KRCC1: variants seen among roughly 807,000 people sequenced by gnomAD.
The protein encoded by KRCC1 is lysine-rich coiled-coil protein 1.
In KRCC1, 3 loss-of-function variants were observed where a neutral mutation model predicts 7.4. The observed-to-expected ratio is 0.40, with a 90% CI of 0.18 to 1.04. The LOEUF is 1.04. KRCC1 is among the 50% of genes least tolerant of loss of function. The pLI is 0.33. For missense variants in KRCC1, 277 were observed against 300.9 expected, an observed-to-expected ratio of 0.92 and a Z score of 0.59; for synonymous variants, 102 against 101.6, an observed-to-expected ratio of 1.00 and a Z score of -0.02.
chr2:88,053,213 T>C (rs1321121551), intron 1 of KRCC1, among the ~76,000 whole-genome samples: 1 of 152,062 alleles, frequency 6.6e-6, no homozygotes, highest in Non-Finnish European at 1.5e-5. Context: ...TGGGACTTAC[T>C]CAGGGTCATT....
rs1673214719 is a variant in KRCC1, at chr2:88,041,725, AGT to A, written c.-290-4676_-290-4675del. Among the ~76,000 whole-genome samples, 5 of 152,326 alleles carry A rather than the reference AGT, an allele frequency of 3.3e-5. No homozygotes were observed. The South Asian group carries it at 8.3e-4, about 25-fold the overall frequency. On this transcript the variant is annotated intron_variant, in intron 1 of 3. Transcript: ENST00000347055. ...GACATCACCTCTCTTTCACTTGCAT[AGT>A]GATTACTATATATTTACTCATTACA...
rs559899355 is a variant in KRCC1 at position 88,028,990 on chromosome 2, TCAAA to T, written c.-22-409_-22-406del. Among the ~76,000 whole-genome samples the T allele has an allele frequency of 3.2e-3, 488 of 152,264 alleles. 5 individuals carry two copies. The highest frequency in any genetic ancestry group is 0.01 in the African/African-American group (435 of 41,538). On this transcript the variant is annotated intron_variant, in intron 3 of 3. Coordinates refer to ENST00000347055, the MANE Select transcript of KRCC1 (RefSeq NM_016618.3). ...AAAGAGCTTTGAAAAACAAAGCAGC[TCAAA>T]CAAATTACAACCTATTTCAGCATAA...
At chr2:88,033,985 A>T (rs527965524) in intron 3 of KRCC1, 149 bp downstream of exon 3, 99 of 143,150 alleles carry the variant, frequency 6.9e-4, no homozygotes, top group African/African-American at 2.4e-3. Flanking sequence ...TATTCATATA[A>T]TATTATTCAG....
intron 1 of KRCC1, among the ~76,000 whole-genome samples, chr2:88,042,364 C>T (rs374543176): frequency 7.9e-5 from 12 of 152,122 alleles, no homozygotes; most frequent in African/African-American, 2.9e-4. Flanking sequence ...CCGGCCTAGA[C>T]CACTATTCCT....
intron 1 of KRCC1, among the ~76,000 whole-genome samples, chr2:88,045,991 T>G (rs1673324905): frequency 6.6e-6 from 1 of 152,198 alleles, no homozygotes. Flanking sequence ...GAATTGTACA[T>G]GTTATATGTG....
intron 1 of KRCC1, among the ~76,000 whole-genome samples, chr2:88,052,721 G>C (rs575093521): frequency 6.6e-6 from 1 of 152,196 alleles, no homozygotes; most frequent in Non-Finnish European, 1.5e-5. Context: ...TTCCCTTTTT[G>C]ATCTACTTCT....
intron 1 of KRCC1, among the ~76,000 whole-genome samples, chr2:88,039,880 C>A (rs1673169730): frequency 6.6e-6 from 1 of 151,826 alleles, no homozygotes; most frequent in Non-Finnish European, 1.5e-5. Flanking sequence ...CATTAAAAAT[C>A]TTGGTTTGGC....
Position 88,027,309 on chromosome 2 carries a change from T to C in KRCC1, c.*475A>G, listed in dbSNP as rs569814769. 1 of 153,268 alleles carries C rather than the reference T, an allele frequency of 6.5e-6. No individual in the cohort carries two copies. The highest frequency in any genetic ancestry group is 2.4e-5 in the African/African-American group (1 of 41,590). The allele number at this position is 153,268 out of a possible 1,614,324, so 9.5% of individuals were successfully genotyped here. A position where few individuals can be genotyped will look rare whatever the true frequency, so the allele number is the denominator to read the frequency against. On this transcript the variant is annotated 3_prime_UTR_variant, in exon 4 of 4. Coordinates refer to ENST00000347055, the MANE Select transcript of KRCC1 (RefSeq NM_016618.3). ...CTTTATGTAACCTAAGATTATAATA[T>C]ATTTCATTTTCCACTTTCCAGCCTA...
At chr2:88,043,762 C>T (rs1488492337) in intron 1 of KRCC1, among the ~76,000 whole-genome samples, 7 of 152,160 alleles carry the variant, frequency 4.6e-5, no homozygotes, top group African/African-American at 1.7e-4. Flanking sequence ...CTCTGCCTCC[C>T]GGGTTCAAGC....
chr2:88,051,970 G>C (rs898595779), intron 1 of KRCC1, among the ~76,000 whole-genome samples: 4 of 152,240 alleles, frequency 2.6e-5, no homozygotes, highest in African/African-American at 9.6e-5. Flanking sequence ...TGTATTTTAG[G>C]ATATTTGTGG....
Position 88,041,967 on chromosome 2 carries a change from T to G in KRCC1, c.-290-4916A>C, listed in dbSNP as rs80001947. On this transcript the variant is annotated intron_variant, in intron 1 of 3. Coordinates refer to ENST00000347055, the MANE Select transcript of KRCC1 (RefSeq NM_016618.3). ...AGCATCTCTCCCCCCCGATATTGGCTATCTTCTCCCATGTGATATGGATGT... is the reference window on the plus strand; with the variant it reads ...AGCATCTCTCCCCCCCGATATTGGCGATCTTCTCCCATGTGATATGGATGT... Among the ~76,000 whole-genome samples the G allele has an allele frequency of 2.0e-5, 3 of 152,104 alleles. No individual in the cohort carries two copies. The East Asian group carries it at 5.8e-4, about 29-fold the overall frequency.
intron 1 of KRCC1, among the ~76,000 whole-genome samples, chr2:88,043,137 C>T (rs935878657): frequency 1.3e-5 from 2 of 152,144 alleles, no homozygotes; most frequent in Non-Finnish European, 2.9e-5. Flanking sequence ...TTGTAACCAT[C>T]CTTTCTACAG....
intron 1 of KRCC1, among the ~76,000 whole-genome samples, chr2:88,051,189 G>C (rs1673476001): frequency 6.6e-6 from 1 of 151,992 alleles, no homozygotes; most frequent in Admixed American, 6.6e-5. Context: ...ACCTCTCAAA[G>C]TGTTGGGATC....
At chr2:88,044,548 C>G (rs1673289180) in intron 1 of KRCC1, among the ~76,000 whole-genome samples, 1 of 151,962 alleles carries the variant, frequency 6.6e-6, no homozygotes, top group Non-Finnish European at 1.5e-5. Context: ...TTAAAAAGGG[C>G]AAAAGGTCTG....
chr2:88,055,667 C>G lies in KRCC1; in HGVS notation c.-332G>C, dbSNP rs1673607056. On this transcript the variant is annotated 5_prime_UTR_variant, in exon 1 of 4. Transcript: ENST00000347055. ...GCGGGCGTCTACAACTACTGTCCCC[C>G]GCCCCGCCAACGCCGCCAGCCAGGG... The G allele has an allele frequency of 6.6e-6, 1 of 152,412 alleles. No individual in the cohort carries two copies. The highest frequency in any genetic ancestry group is 1.5e-5 in the Non-Finnish European group (1 of 68,262). 9.4% of individuals were successfully genotyped at this position (152,412 alleles called of 1,614,324 possible).
At chr2:88,030,399 A>G (rs569934942) in intron 3 of KRCC1, among the ~76,000 whole-genome samples, 1 of 151,844 alleles carries the variant, frequency 6.6e-6, no homozygotes, top group African/African-American at 2.4e-5. Flanking sequence ...GTTAGAAAAT[A>G]TAGTTCTTGT....
chr2:88,039,688 A>G (rs1207873471), intron 1 of KRCC1, among the ~76,000 whole-genome samples: 1 of 151,618 alleles, frequency 6.6e-6, no homozygotes, highest in East Asian at 1.9e-4. Context: ...ACTGTCTCAG[A>G]AAATATATAT....
At chr2:88,032,755 C>A (rs1471876240) in intron 3 of KRCC1, among the ~76,000 whole-genome samples, 3 of 152,162 alleles carry the variant, frequency 2.0e-5, no homozygotes, top group Non-Finnish European at 4.4e-5. Flanking sequence ...ATACACATGA[C>A]GTGAGTGAAT....
intron 3 of KRCC1, among the ~76,000 whole-genome samples, chr2:88,029,291 G>C (rs537125252): frequency 6.6e-6 from 1 of 152,266 alleles, no homozygotes; most frequent in South Asian, 2.1e-4. Context: ...GTTTCTAAGA[G>C]AAGTAAAGGA....
Sources: allele counts gnomAD v4.1 joint callset (sites outside exome capture counted in the v4.1 genomes callset), GRCh38; gene constraint gnomAD v4.1.1; transcripts MANE v1.5; gene names NCBI Gene and HGNC (gene_info 2026-07-23, HGNC 2026-07-21).